LMO1: variants seen among roughly 807,000 people sequenced by gnomAD.
The protein encoded by LMO1 is LIM domain only 1, also known as rhombotin-1.
Under a neutral mutation model 18.0 loss-of-function variants are expected in LMO1, and 10 were observed. The observed-to-expected ratio is 0.55, with a 90% CI of 0.34 to 0.94. The LOEUF is 0.94. LMO1 is among the 40% of genes least tolerant of loss of function. LMO1 has a pLI of 0.02. For synonymous variants in LMO1, 77 were observed against 77.9 expected (o/e 0.99, Z 0.06); for missense variants, 183 against 205.7 (o/e 0.89, Z 0.68).
chr11:8,224,767 G>A (rs772714421), intron 3 of LMO1, 46 bp from the exon 4 acceptor site: 2 of 1,274,188 alleles, frequency 1.6e-6, no homozygotes, highest in Non-Finnish European at 1.1e-6. Flanking sequence ...AGGTCCCAGT[G>A]GGTAAGGGGG....
chr11:8,226,214 G>A (rs1952537805), intron 3 of LMO1, among the ~76,000 whole-genome samples: 1 of 152,180 alleles, frequency 6.6e-6, no homozygotes, highest in Non-Finnish European at 1.5e-5. Context: ...ACGTATACAG[G>A]CTGGGCGCGG....
At chr11:8,224,777 G>GA (rs1952504093) in intron 3 of LMO1, 56 bp from the exon 4 acceptor site, 1 of 1,206,804 alleles carries the variant, frequency 8.3e-7, no homozygotes, top group African/African-American at 1.5e-5. Context: ...GGGTAAGGGG[G>GA]GGGCTGCAGA....
upstream of LMO1, among the ~76,000 whole-genome samples, chr11:8,268,248 G>T (rs1028811053): frequency 6.6e-6 from 1 of 152,194 alleles, no homozygotes; most frequent in Non-Finnish European, 1.5e-5. Flanking sequence ...GCCGACCCCG[G>T]CACCGGCGCA....
intron 1 of LMO1, among the ~76,000 whole-genome samples, chr11:8,261,665 C>T (rs1253998458): frequency 6.6e-6 from 1 of 152,222 alleles, no homozygotes; most frequent in East Asian, 1.9e-4. Context: ...TACCCTCTCC[C>T]CTGGCTTCTC....
upstream of LMO1, among the ~76,000 whole-genome samples, chr11:8,265,527 C>T (rs1324026177): frequency 6.6e-6 from 1 of 152,162 alleles, no homozygotes; most frequent in Admixed American, 6.5e-5. Flanking sequence ...TTTCACTTTC[C>T]CCTTCATCTT....
intron 1 of LMO1, among the ~76,000 whole-genome samples, chr11:8,242,931 A>G (rs1846820879): frequency 1.3e-5 from 2 of 152,138 alleles, no homozygotes; most frequent in Admixed American, 1.3e-4. Context: ...AAACTTTTAA[A>G]TGTGTTCTCC....
At chr11:8,256,957 G>T (rs569706057) in intron 1 of LMO1, among the ~76,000 whole-genome samples, 1 of 152,338 alleles carries the variant, frequency 6.6e-6, no homozygotes, top group East Asian at 1.9e-4. Context: ...TGAGAATGGT[G>T]GTAGCAGAGG....
intron 1 of LMO1, among the ~76,000 whole-genome samples, chr11:8,245,766 A>G (rs919626480): frequency 6.6e-6 from 1 of 152,240 alleles, no homozygotes; most frequent in African/African-American, 2.4e-5. Flanking sequence ...CAGTGTGTTA[A>G]TCTTTCTTGT....
At chr11:8,250,829 T>G (rs1008127374) in intron 1 of LMO1, among the ~76,000 whole-genome samples, 1 of 152,104 alleles carries the variant, frequency 6.6e-6, no homozygotes, top group African/African-American at 2.4e-5. Context: ...TGCCTTAGTT[T>G]CCCCAGCCAT....
intron 2 of LMO1, among the ~76,000 whole-genome samples, chr11:8,229,792 C>G (rs1329501286): frequency 1.3e-5 from 2 of 152,242 alleles, no homozygotes; most frequent in African/African-American, 4.8e-5. Context: ...TAGGATATGG[C>G]TGCCTGCCAG....
intron 1 of LMO1, among the ~76,000 whole-genome samples, chr11:8,247,147 C>T (rs1445825290): frequency 6.6e-6 from 1 of 152,260 alleles, no homozygotes; most frequent in African/African-American, 2.4e-5. Flanking sequence ...GCAAACTGAG[C>T]ATGCCCATGG....
At chr11:8,226,502 C>G (rs1952544632) in intron 3 of LMO1, among the ~76,000 whole-genome samples, 1 of 152,172 alleles carries the variant, frequency 6.6e-6, no homozygotes, top group African/African-American at 2.4e-5. Flanking sequence ...GCCTGGGCAA[C>G]AGAGTGAGAC....
In LMO1 at chr11:8,224,590, C is replaced by T. The variant is rs376992430; in HGVS notation, c.*26G>A. On this transcript the variant is annotated 3_prime_UTR_variant, in exon 4 of 4. Coordinates refer to ENST00000335790, the MANE Select transcript of LMO1 (RefSeq NM_002315.3). ...GTGGGCAGGCGGGCAGATGGACAGACGGGCCTGGAGGCCAGGCGCCGGGCG... is the reference window on the plus strand; with the variant it reads ...GTGGGCAGGCGGGCAGATGGACAGATGGGCCTGGAGGCCAGGCGCCGGGCG... 1.3e-4 allele frequency: 186 copies of T among 1,451,882 alleles called. No homozygotes were observed. The African/African-American group carries it at 2.1e-3, about 17-fold the overall frequency. The allele number at this position is 1,451,882 out of a possible 1,614,324, so 89.9% of individuals were successfully genotyped here.
chr11:8,243,858 C>G (rs1035462201), intron 1 of LMO1, among the ~76,000 whole-genome samples: 4 of 152,236 alleles, frequency 2.6e-5, no homozygotes, highest in Non-Finnish European at 5.9e-5. Context: ...TGCAGCCCCC[C>G]ACTCCTGCCT....
intron 1 of LMO1, among the ~76,000 whole-genome samples, chr11:8,239,259 TAGATCAGGGCCCGGGCTAAAACC>T (rs1952814033): frequency 6.6e-6 from 1 of 152,012 alleles, no homozygotes; most frequent in Non-Finnish European, 1.5e-5. Flanking sequence ...GGGACATACT[TAGATCAGGGCCCGGGCTAAAACC>T]AAGAGGAATG....
At position 8,224,681 on chromosome 11, in the gene LMO1, T is replaced by C. The variant is rs1379518341; in HGVS notation, c.406A>G (p.Ile136Val). 1 of 1,610,026 alleles carries C rather than the reference T, an allele frequency of 6.2e-7. No individual in the cohort carries two copies. Among genetic ancestry groups the C allele is most frequent in the Non-Finnish European group, 8.5e-7 (1 of 1,178,130 alleles). ...GDKFFLKNNM[I>V]LCQMDYEEGQ... ...TCCTCATAGTCCATCTGACACAAGATCATGTTGTTCTTCAGGAAGAATTTG... is the reference window on the plus strand; with the variant it reads ...TCCTCATAGTCCATCTGACACAAGACCATGTTGTTCTTCAGGAAGAATTTG... The change falls in exon 4 of 4, where the codon ATC (isoleucine) becomes GTC (valine). Residue 136 changes from isoleucine to valine, a missense_variant. Physicochemically the swap from Ile to Val is conservative, Grantham distance 29. Transcript: ENST00000335790.
At chr11:8,254,586 G>C (rs1847057556) in intron 1 of LMO1, among the ~76,000 whole-genome samples, 1 of 150,284 alleles carries the variant, frequency 6.7e-6, no homozygotes, top group African/African-American at 2.4e-5. Context: ...AAACCTGAAA[G>C]AGGCAACGGG....
At chr11:8,268,539 C>A, upstream of LMO1, 1 of 1,103,238 alleles carries the variant, frequency 9.1e-7, no homozygotes, top group South Asian at 4.0e-5. Flanking sequence ...CTGCTCCCGC[C>A]GGCCCCGCGC....
chr11:8,262,488 C>T (rs546994624), intron 1 of LMO1, among the ~76,000 whole-genome samples: 1 of 152,276 alleles, frequency 6.6e-6, no homozygotes, highest in Middle Eastern at 3.4e-3. Context: ...GCACTCCCTG[C>T]CAGTAAGGCT....
Sources: allele counts gnomAD v4.1 joint callset (sites outside exome capture counted in the v4.1 genomes callset), GRCh38; gene constraint gnomAD v4.1.1; transcripts MANE v1.5; gene names NCBI Gene and HGNC (gene_info 2026-07-23, HGNC 2026-07-21).